The following LIPK variants were observed in gnomAD, a reference collection of about 807,000 sequenced individuals.
LIPK encodes lipase member K.
A neutral mutation model predicts 48.6 loss-of-function variants in LIPK; 32 were observed. The observed-to-expected ratio is 0.66, with a 90% CI of 0.50 to 0.88. The LOEUF (loss-of-function observed/expected upper bound fraction) is 0.88. LIPK is among the 40% of genes least tolerant of loss of function. The pLI, the probability that LIPK is intolerant of heterozygous loss-of-function variation, is 0.00. For missense variants in LIPK, 507 were observed against 478.5 expected (o/e 1.06, Z -0.56); for synonymous variants, 164 against 157.4 (o/e 1.04, Z -0.32).
At chr10:88,719,667 T>A (rs928678962) in intron 1 of LIPK, among the ~76,000 whole-genome samples, 17 of 152,214 alleles carry the variant, frequency 1.1e-4, no homozygotes, top group African/African-American at 3.9e-4. Flanking sequence ...GGGGTCTTTG[T>A]ACCTGCACAC....
intron 2 of LIPK, among the ~76,000 whole-genome samples, chr10:88,726,465 C>T (rs561071068): frequency 8.5e-5 from 13 of 152,242 alleles, no homozygotes; most frequent in South Asian, 4.1e-4. Context: ...GGCAGGGGAA[C>T]GAATGCCTTG....
intron 7 of LIPK, among the ~76,000 whole-genome samples, chr10:88,738,930 A>G (rs1842627088): frequency 6.6e-6 from 1 of 152,176 alleles, no homozygotes; most frequent in African/African-American, 2.4e-5. Context: ...CATGTCCAGA[A>G]CTCAACCTTT....
At chr10:88,722,443 G>T (rs1359671390) in intron 1 of LIPK, among the ~76,000 whole-genome samples, 1 of 152,224 alleles carries the variant, frequency 6.6e-6, no homozygotes, top group Non-Finnish European at 1.5e-5. Context: ...CAGTCTGGCT[G>T]TTTTTTAAAC....
chr10:88,745,491 G>A (rs1423145159), intron 9 of LIPK, among the ~76,000 whole-genome samples: 1 of 152,110 alleles, frequency 6.6e-6, no homozygotes, highest in Non-Finnish European at 1.5e-5. Context: ...CATCCTTAAA[G>A]AAAAGAAATT....
chr10:88,737,553 C>A, intron 6 of LIPK, 82 bp from the exon 7 acceptor site: 3 of 1,402,206 alleles, frequency 2.1e-6, no homozygotes, highest in Non-Finnish European at 3.0e-6. Flanking sequence ...TAATACTGTG[C>A]AGTCCTTCTT....
Position 88,737,667 on chromosome 10 carries a change from T to A in LIPK, c.702T>A (p.His234Gln). Residue 234 changes from histidine to glutamine, a missense_variant, in exon 7 of 10, where the codon CAT (histidine) becomes CAA (glutamine). Transcript: ENST00000404190. Reference protein sequence around the residue: ...VLFGDKMFHPHTLFDQFIATK... With the variant: ...VLFGDKMFHPQTLFDQFIATK... ...TTGGTGACAAAATGTTCCACCCTCA[T>A]ACATTGTTTGACCAATTCATTGCCA... 2 of 1,613,900 alleles carry A rather than the reference T, an allele frequency of 1.2e-6. No homozygotes were observed. The highest frequency in any genetic ancestry group is 1.7e-6 in the Non-Finnish European group (2 of 1,179,784).
chr10:88,727,003 T>C, intron 3 of LIPK, 91 bp downstream of exon 3: 1 of 739,640 alleles, frequency 1.4e-6, no homozygotes, highest in Non-Finnish European at 2.3e-6. Flanking sequence ...GTTCTGAAAT[T>C]CTTAACAGTC....
intron 7 of LIPK, among the ~76,000 whole-genome samples, chr10:88,739,607 G>T (rs1412034833): frequency 6.6e-6 from 1 of 152,124 alleles, no homozygotes; most frequent in Admixed American, 6.5e-5. Context: ...TGTAATCCCA[G>T]CACTTTGGGA....
chr10:88,727,427 G>A, intron 3 of LIPK: 1 of 162,454 alleles, frequency 6.2e-6, no homozygotes, highest in Non-Finnish European at 1.3e-5. Flanking sequence ...ACCCAAGTCT[G>A]TGTGATTTCA....
intron 1 of LIPK, among the ~76,000 whole-genome samples, chr10:88,713,915 A>C (rs1385461210): frequency 6.6e-6 from 1 of 151,928 alleles, no homozygotes; most frequent in South Asian, 2.1e-4. Context: ...ATGCCATTGC[A>C]CTCCAGCCTG....
At chr10:88,745,115 G>T (rs1728766733) in intron 9 of LIPK, among the ~76,000 whole-genome samples, 1 of 152,140 alleles carries the variant, frequency 6.6e-6, no homozygotes, top group African/African-American at 2.4e-5. Context: ...AAAATCTGCA[G>T]AAAATATAGG....
intron 4 of LIPK, among the ~76,000 whole-genome samples, chr10:88,731,391 G>A (rs539677682): frequency 8.1e-4 from 123 of 152,268 alleles, no homozygotes; most frequent in African/African-American, 2.6e-3. Flanking sequence ...TCCTGCCTCC[G>A]TCCTGGTGTC....
At chr10:88,739,778 C>T (rs919891327) in intron 7 of LIPK, among the ~76,000 whole-genome samples, 1 of 151,892 alleles carries the variant, frequency 6.6e-6, no homozygotes, top group African/African-American at 2.4e-5. Context: ...AGAATGGAAC[C>T]CAGGAGGTGG....
intron 6 of LIPK, among the ~76,000 whole-genome samples, chr10:88,734,489 A>T (rs1359339945): frequency 6.6e-6 from 1 of 152,208 alleles, no homozygotes; most frequent in African/African-American, 2.4e-5. Context: ...CGCCAAATTA[A>T]TGAATTTGGA....
intron 1 of LIPK, among the ~76,000 whole-genome samples, chr10:88,707,922 T>C (rs758965864): frequency 3.9e-5 from 6 of 152,164 alleles, no homozygotes; most frequent in Non-Finnish European, 5.9e-5. Flanking sequence ...TTAAAAGTAT[T>C]AGAGCTTTAT....
chr10:88,713,801 C>T (rs1023362537), intron 1 of LIPK, among the ~76,000 whole-genome samples: 1 of 151,620 alleles, frequency 6.6e-6, no homozygotes, highest in East Asian at 1.9e-4. Flanking sequence ...ATTAGCCAGG[C>T]GCAGTGGTGG....
Position 88,732,508 on chromosome 10 carries a change from G to C in LIPK, c.626G>C (p.Ser209Thr). The C allele has an allele frequency of 6.2e-7, 1 of 1,612,786 alleles. No homozygotes were observed. The part of the protein sequence containing the change: ...APVVTVKYTQ[S>T]PMKKLTTLSR... Reference sequence around the variant, plus strand: ...GTTGTCACAGTTAAATACACCCAAAGTCCTATGAAAAAACTAACAACCCTT... The same window carrying C: ...GTTGTCACAGTTAAATACACCCAAACTCCTATGAAAAAACTAACAACCCTT... The change falls in exon 6 of 10, where the codon AGT becomes ACT. Residue 209 changes from serine (S) to threonine (T), a missense_variant. Transcript: ENST00000404190.
chr10:88,736,592 A>T (rs905231214), intron 6 of LIPK, among the ~76,000 whole-genome samples: 1 of 152,214 alleles, frequency 6.6e-6, no homozygotes, highest in African/African-American at 2.4e-5. Context: ...CCGGTAAACA[A>T]ATTTATTTTT....
intron 1 of LIPK, among the ~76,000 whole-genome samples, chr10:88,724,182 A>T (rs1017848026): frequency 1.3e-5 from 2 of 152,194 alleles, no homozygotes; most frequent in Admixed American, 1.3e-4. Flanking sequence ...TAGTAACTAG[A>T]GATACCAAAT....
Sources: gnomAD v4.1 joint callset for allele counts (sites outside exome capture counted in the v4.1 genomes callset) on GRCh38, gnomAD v4.1.1 for gene constraint, MANE v1.5 for transcripts, NCBI Gene and HGNC (gene_info 2026-07-23, HGNC 2026-07-21) for gene names.